The following TAPT1 variants were observed in gnomAD, a reference collection of about 807,000 sequenced individuals.
TAPT1 encodes transmembrane anterior posterior transformation 1.
In TAPT1, 28 loss-of-function variants were observed where a neutral mutation model predicts 65.6. The observed-to-expected ratio is 0.43, with a 90% CI of 0.32 to 0.59. The LOEUF (loss-of-function observed/expected upper bound fraction) is 0.59, where lower values mean the gene tolerates loss of function less well. TAPT1 is among the 20% of genes least tolerant of loss of function. TAPT1 has a pLI of 0.09. For synonymous variants in TAPT1, 278 were observed against 245.2 expected, an observed-to-expected ratio of 1.13 and a Z score of -1.25; for missense variants, 563 against 679.9, an observed-to-expected ratio of 0.83 and a Z score of 1.91.
Position 16,191,459 on chromosome 4 carries a change from A to G in TAPT1, c.514T>C (p.Cys172Arg). ...TCAACATAGTGCATCATAAAATAGCAGATTACCAAAATGACACCCTTCAAA... is the reference window on the plus strand; with the variant it reads ...TCAACATAGTGCATCATAAAATAGCGGATTACCAAAATGACACCCTTCAAA... The part of the protein sequence containing the change: ...DILKGVILVI[C>R]YFMMHYVDYS... Residue 172 changes from cysteine to arginine, a missense_variant, in exon 4 of 14, where the codon TGC (cysteine) becomes CGC (arginine). Around this residue, in one of 5 missense-constraint regions of TAPT1, gnomAD observed 217 missense variants for 317.5 expected, o/e 0.68. Transcript: ENST00000405303. The G allele has an allele frequency of 6.4e-7, 1 of 1,573,996 alleles. No individual in the cohort carries two copies. Among genetic ancestry groups the G allele is most frequent in the Non-Finnish European group, 8.6e-7 (1 of 1,159,036 alleles).
At chr4:16,213,254 G>A (rs1448235258) in intron 2 of TAPT1, among the ~76,000 whole-genome samples, 4 of 152,196 alleles carry the variant, frequency 2.6e-5, no homozygotes, top group Non-Finnish European at 5.9e-5. Context: ...ACGTGAAGAT[G>A]TAGTGCTGCT....
Position 16,162,926 on chromosome 4 carries a change from T to C in TAPT1, c.*382A>G. ...GAAAGATTACGTCGTGGTAAAAGTT[T>C]CACAGTTTTCCAGGTATTTCCTTAT... On this transcript the variant is annotated 3_prime_UTR_variant, in exon 14 of 14. Coordinates refer to ENST00000405303, the MANE Select transcript of TAPT1 (RefSeq NM_153365.3). 2.3e-6 allele frequency: 1 copy of C among 438,080 alleles called. No homozygotes were observed. Among genetic ancestry groups the C allele is most frequent in the Non-Finnish European group, 4.7e-6 (1 of 212,766 alleles). The allele number at this position is 438,080 out of a possible 1,614,324, so 27.1% of individuals were successfully genotyped here. A position where few individuals can be genotyped will look rare whatever the true frequency, so the allele number is the denominator to read the frequency against.
intron 2 of TAPT1, among the ~76,000 whole-genome samples, chr4:16,210,255 C>T (rs1011055211): frequency 6.6e-6 from 1 of 152,144 alleles, no homozygotes; most frequent in Non-Finnish European, 1.5e-5. Flanking sequence ...AAAATCATGC[C>T]CCTTGCAGGG....
At chr4:16,171,180 C>A (rs573043188) in intron 11 of TAPT1, among the ~76,000 whole-genome samples, 56 of 152,222 alleles carry the variant, frequency 3.7e-4, no homozygotes, top group African/African-American at 1.3e-3. Context: ...TTTTTGCCCT[C>A]CGTCCTTTCT....
intron 7 of TAPT1, among the ~76,000 whole-genome samples, chr4:16,182,014 TAACTC>T (rs1748739609): frequency 6.6e-6 from 1 of 152,162 alleles, no homozygotes; most frequent in African/African-American, 2.4e-5. Context: ...CCATAAAAAT[TAACTC>T]TATCTTTATT....
intron 11 of TAPT1, among the ~76,000 whole-genome samples, chr4:16,173,927 T>C (rs549475391): frequency 6.6e-6 from 1 of 152,364 alleles, no homozygotes; most frequent in African/African-American, 2.4e-5. Context: ...TAAAAAATGT[T>C]TTTTACTAAA....
At chr4:16,183,788 C>T (rs189816940) in intron 7 of TAPT1, among the ~76,000 whole-genome samples, 37 of 152,268 alleles carry the variant, frequency 2.4e-4, no homozygotes, top group Middle Eastern at 6.8e-3. Flanking sequence ...ACCTTCCCTC[C>T]TTCCTCTTTC....
At chr4:16,204,721 C>G (rs983794425) in intron 2 of TAPT1, among the ~76,000 whole-genome samples, 9 of 152,262 alleles carry the variant, frequency 5.9e-5, no homozygotes, top group South Asian at 2.1e-4. Context: ...CACCCACACT[C>G]TGCAGTGAGA....
At chr4:16,227,360 C>A (rs919276110), upstream of TAPT1, 1 of 453,276 alleles carries the variant, frequency 2.2e-6, no homozygotes, top group Non-Finnish European at 4.5e-6. Flanking sequence ...TGGCGTGTGA[C>A]CCCGCAACGA....
chr4:16,223,423 A>G (rs1164161091), intron 1 of TAPT1, among the ~76,000 whole-genome samples: 3 of 152,238 alleles, frequency 2.0e-5, no homozygotes, highest in African/African-American at 4.8e-5. Context: ...ATCAATCTGC[A>G]GTTCTTGATA....
At chr4:16,197,485 C>T (rs576705031) in intron 3 of TAPT1, among the ~76,000 whole-genome samples, 5 of 152,222 alleles carry the variant, frequency 3.3e-5, no homozygotes, top group African/African-American at 7.2e-5. Flanking sequence ...AAGCACAAAA[C>T]GAAGTCACAA....
At chr4:16,200,217 C>A (rs999248810) in intron 3 of TAPT1, among the ~76,000 whole-genome samples, 4 of 152,330 alleles carry the variant, frequency 2.6e-5, no homozygotes, top group African/African-American at 9.6e-5. Flanking sequence ...AAGCCGTCCA[C>A]ATAAAGATGG....
Position 16,160,957 on chromosome 4 carries a change from G to A in TAPT1, c.*2351C>T, listed in dbSNP as rs1051339281. The A allele has an allele frequency of 3.3e-5, 5 of 152,626 alleles. No individual in the cohort carries two copies. Among genetic ancestry groups the A allele is most frequent in the African/African-American group, 1.2e-4 (5 of 41,434 alleles). 9.5% of individuals were successfully genotyped at this position (152,626 alleles called of 1,614,324 possible). On this transcript the variant is annotated 3_prime_UTR_variant, in exon 14 of 14. Transcript: ENST00000405303. ...TATTCTAAAGGAAAACCTAATAAGG[G>A]TCTGGCCTATCCTGTGCCTTCATTA... is the stretch of plus-strand genomic sequence containing the variant.
In TAPT1 at chr4:16,162,913, C is replaced by G. The variant is rs1747347493; in HGVS notation, c.*395G>C. On this transcript the variant is annotated 3_prime_UTR_variant, in exon 14 of 14. Transcript: ENST00000405303. ...TAGTATGAGACTGGAAAGATTACGT[C>G]GTGGTAAAAGTTTCACAGTTTTCCA... 7.0e-6 allele frequency: 3 copies of G among 430,450 alleles called. No homozygotes were observed. The highest frequency in any genetic ancestry group is 4.8e-5 in the South Asian group (3 of 62,368). 26.7% of individuals were successfully genotyped at this position (430,450 alleles called of 1,614,324 possible). A position where few individuals can be genotyped will look rare whatever the true frequency, so the allele number is the denominator to read the frequency against.
At chr4:16,173,423 A>G (rs1436195977) in intron 11 of TAPT1, among the ~76,000 whole-genome samples, 1 of 151,990 alleles carries the variant, frequency 6.6e-6, no homozygotes, top group Non-Finnish European at 1.5e-5. Context: ...ATTTCTTTTT[A>G]TTCTTTCTTT....
intron 1 of TAPT1, among the ~76,000 whole-genome samples, chr4:16,215,220 G>A (rs1750868360): frequency 6.6e-6 from 1 of 152,056 alleles, no homozygotes. Context: ...GAACCCAGGA[G>A]GCAGAGGTTG....
intron 11 of TAPT1, among the ~76,000 whole-genome samples, chr4:16,173,516 T>G (rs1028214719): frequency 1.3e-5 from 2 of 151,940 alleles, no homozygotes; most frequent in Non-Finnish European, 2.9e-5. Context: ...CCTCCCAGGT[T>G]CACGCCATTC....
chr4:16,169,550 TCAAA>T (rs1747859056), intron 12 of TAPT1, among the ~76,000 whole-genome samples: 1 of 152,234 alleles, frequency 6.6e-6, no homozygotes, highest in South Asian at 2.1e-4. Context: ...ACATACTCAT[TCAAA>T]CAAACAACAG....
chr4:16,213,905 A>G lies in TAPT1; in HGVS notation c.200-7T>C, dbSNP rs369174991. On this transcript the variant is annotated splice_region_variant and splice_polypyrimidine_tract_variant and intron_variant, in intron 1 of 13. Coordinates refer to ENST00000405303, the MANE Select transcript of TAPT1 (RefSeq NM_153365.3). ...AACCTCAACAATGAAAGCTCTACAGAAAAGAAAATGACAGAAAACAAAAAG... is the reference window on the plus strand; with the variant it reads ...AACCTCAACAATGAAAGCTCTACAGGAAAGAAAATGACAGAAAACAAAAAG... 501 of 1,580,536 alleles carry G rather than the reference A, an allele frequency of 3.2e-4. No individual in the cohort carries two copies. Among genetic ancestry groups the G allele is most frequent in the Non-Finnish European group, 4.0e-4 (469 of 1,171,376 alleles).
Sources: gnomAD v4.1 joint callset for allele counts (sites outside exome capture counted in the v4.1 genomes callset) on GRCh38, gnomAD v4.1.1 for gene constraint, gnomAD v4.1.1 regional missense constraint, MANE v1.5 for transcripts, NCBI Gene and HGNC (gene_info 2026-07-23, HGNC 2026-07-21) for gene names.